Variants in DOCK3 observed in about 807,000 individuals in gnomAD.
The protein encoded by DOCK3 is dedicator of cytokinesis protein 3.
A neutral mutation model predicts 265.6 loss-of-function variants in DOCK3; 60 were observed. The observed-to-expected ratio is 0.23, with a 90% CI of 0.18 to 0.28. The LOEUF (loss-of-function observed/expected upper bound fraction) is 0.28, where lower values mean the gene tolerates loss of function less well. Ranked by LOEUF, DOCK3 falls within the 10% of genes least tolerant of loss-of-function variation. The pLI is 1.00. For missense variants in DOCK3, 1,981 were observed against 2,594.3 expected, an observed-to-expected ratio of 0.76 and a Z score of 5.14; for synonymous variants, 881 against 938.0, an observed-to-expected ratio of 0.94 and a Z score of 1.11.
intron 6 of DOCK3, among the ~76,000 whole-genome samples, chr3:51,068,539 GAAA>G (rs1160597168): frequency 1.3e-4 from 6 of 45,702 alleles, no homozygotes; most frequent in African/African-American, 2.7e-4. Flanking sequence ...GACTCCGTCT[GAAA>G]AAAAAAAAAA....
chr3:50,788,019 C>A, intron 2 of DOCK3: 2 of 746,202 alleles, frequency 2.7e-6, no homozygotes, highest in Admixed American at 4.2e-5. Flanking sequence ...ATAGCATGCA[C>A]ATCAGACTCT....
At chr3:51,102,896 C>T (rs935124738) in intron 9 of DOCK3, among the ~76,000 whole-genome samples, 4 of 152,138 alleles carry the variant, frequency 2.6e-5, no homozygotes, top group African/African-American at 9.7e-5. Flanking sequence ...CTGCTGGTTT[C>T]TGAGAAGGAA....
At chr3:51,062,608 T>C (rs1221176757) in intron 5 of DOCK3, among the ~76,000 whole-genome samples, 2 of 152,168 alleles carry the variant, frequency 1.3e-5, no homozygotes, top group Admixed American at 1.3e-4. Context: ...TATTGCCTGC[T>C]CTCTAGATCA....
intron 14 of DOCK3, among the ~76,000 whole-genome samples, chr3:51,220,179 C>A (rs1198238186): frequency 1.3e-5 from 2 of 152,114 alleles, no homozygotes; most frequent in Admixed American, 1.3e-4. Context: ...AACATCTCTA[C>A]ATTTCCATGT....
chr3:50,838,940 A>G (rs1377879286), intron 2 of DOCK3, among the ~76,000 whole-genome samples: 2 of 152,206 alleles, frequency 1.3e-5, no homozygotes, highest in Non-Finnish European at 2.9e-5. Flanking sequence ...AAGTTCACTG[A>G]GCAGAATTCT....
At chr3:50,914,107 GGTA>G (rs2049998405) in intron 4 of DOCK3, among the ~76,000 whole-genome samples, 1 of 145,820 alleles carries the variant, frequency 6.9e-6, no homozygotes, top group African/African-American at 2.5e-5. Flanking sequence ...GGTTAGTATA[GGTA>G]GTAGTTTGTC....
intron 5 of DOCK3, among the ~76,000 whole-genome samples, chr3:50,977,900 T>C (rs1342204600): frequency 6.6e-6 from 1 of 152,068 alleles, no homozygotes; most frequent in Non-Finnish European, 1.5e-5. Context: ...CATTTCATCT[T>C]CCATCGCTGA....
intron 46 of DOCK3, 114 bp downstream of exon 46, chr3:51,358,191 G>T (rs1227483022): frequency 5.8e-6 from 6 of 1,033,272 alleles, no homozygotes; most frequent in Non-Finnish European, 8.5e-6. Flanking sequence ...AGGGGCCGGG[G>T]TTGGGGAGAG....
At chr3:51,063,003 T>A (rs1041752806) in intron 5 of DOCK3, among the ~76,000 whole-genome samples, 2 of 152,196 alleles carry the variant, frequency 1.3e-5, no homozygotes, top group African/African-American at 4.8e-5. Context: ...CTTCATCAGT[T>A]CATCGATTAA....
chr3:50,962,148 C>G (rs1431558832), intron 5 of DOCK3, among the ~76,000 whole-genome samples: 1 of 152,158 alleles, frequency 6.6e-6, no homozygotes, highest in Non-Finnish European at 1.5e-5. Context: ...CTATCCCTCC[C>G]CTAGCCCCCA....
In DOCK3 at chr3:51,359,242, C is replaced by T. The variant is rs200021682; in HGVS notation, c.4884+1165C>T. 2.6e-5 allele frequency among the ~76,000 whole-genome samples: 4 copies of T among 152,338 alleles called. No individual in the cohort carries two copies. The highest frequency in any genetic ancestry group is 7.2e-5 in the African/African-American group (3 of 41,574). On this transcript the variant is annotated intron_variant, in intron 46 of 52. Transcript: ENST00000266037. This position sits in a 1 kb window ranked among gnomAD's most constrained non-coding sequence, Gnocchi z 4.8. ...GGATGCTGCAGGTTCTGGTCATCTC[C>T]GTCCCTCCAGGCTCCCAGTGCAGGT...
intron 3 of DOCK3, among the ~76,000 whole-genome samples, chr3:50,861,289 C>T (rs1268700595): frequency 6.6e-6 from 1 of 152,028 alleles, no homozygotes; most frequent in Non-Finnish European, 1.5e-5. Flanking sequence ...TTACTCACCC[C>T]TTTTGTTCCT....
At position 50,944,488 on chromosome 3, in the gene DOCK3, C is replaced by T. The variant is rs114426549; in HGVS notation, c.315+10411C>T. On this transcript the variant is annotated intron_variant, in intron 5 of 52. Transcript: ENST00000266037. ...CTATTTTTTAAAAGCCAAAAGCACA[C>T]TGGAGGTCATGCAAAGAAGTTATAT... Among the ~76,000 whole-genome samples, 527 of 152,276 alleles carry T rather than the reference C, an allele frequency of 3.5e-3. 4 individuals are homozygous for T. Among genetic ancestry groups the T allele is most frequent in the African/African-American group, 0.012 (508 of 41,562 alleles).
chr3:51,262,967 G>A (rs184686341), intron 23 of DOCK3, among the ~76,000 whole-genome samples: 26 of 152,336 alleles, frequency 1.7e-4, no homozygotes, highest in Middle Eastern at 3.4e-3. Flanking sequence ...AAGTGACAGG[G>A]AGAATGGAAC....
intron 5 of DOCK3, among the ~76,000 whole-genome samples, chr3:51,001,727 G>A (rs143835145): frequency 7.2e-5 from 11 of 152,216 alleles, no homozygotes; most frequent in African/African-American, 2.6e-4. Context: ...CTGCCAGATT[G>A]TTTTCCAAAG....
intron 5 of DOCK3, among the ~76,000 whole-genome samples, chr3:51,035,582 CT>C (rs1379628098): frequency 2.0e-5 from 3 of 152,118 alleles, no homozygotes; most frequent in Non-Finnish European, 4.4e-5. Flanking sequence ...TGTTGACTGT[CT>C]TTTCCTCTGA....
intron 35 of DOCK3, among the ~76,000 whole-genome samples, chr3:51,337,384 A>G (rs1461336975): frequency 6.6e-6 from 1 of 152,186 alleles, no homozygotes; most frequent in Non-Finnish European, 1.5e-5. Flanking sequence ...TCCCAGCTGT[A>G]CTGCTCTTCA....
rs553559346 is a variant in DOCK3 at position 50,686,754 on chromosome 3, C to T, written c.37+11454C>T. 1.3e-4 allele frequency among the ~76,000 whole-genome samples: 20 copies of T among 151,406 alleles called. 1 individual carries two copies. In the South Asian group the frequency reaches 4.2e-3, roughly 32 times the overall value. Reference sequence around the variant, plus strand: ...TGAAACCCCATCTCTACTAAAAATACAAAAATTAGCTGGGCGTGGTGGCAC... The same window carrying T: ...TGAAACCCCATCTCTACTAAAAATATAAAAATTAGCTGGGCGTGGTGGCAC... On this transcript the variant is annotated intron_variant, in intron 1 of 52. Transcript: ENST00000266037.
chr3:50,715,415 G>C (rs2037041249), intron 1 of DOCK3, among the ~76,000 whole-genome samples: 1 of 152,138 alleles, frequency 6.6e-6, no homozygotes, highest in African/African-American at 2.4e-5. Context: ...GCTAGGTGTG[G>C]TGGTGCGTAT....
Sources: allele counts gnomAD v4.1 joint callset (sites outside exome capture counted in the v4.1 genomes callset), GRCh38; gene constraint gnomAD v4.1.1; non-coding constraint Gnocchi (gnomAD v3.1); transcripts MANE v1.5; gene names NCBI Gene and HGNC (gene_info 2026-07-23, HGNC 2026-07-21).